LRRC20: variants seen among roughly 807,000 people sequenced by gnomAD.
LRRC20 encodes leucine-rich repeat-containing protein 20.
In LRRC20, 11 loss-of-function variants were observed where a neutral mutation model predicts 14.4. The ratio of observed to expected loss-of-function variants is 0.77; its 90% CI spans 0.48 to 1.27. LRRC20 has a LOEUF of 1.27. LRRC20 is among the 50% of genes most tolerant of loss of function. The pLI, the probability that LRRC20 is intolerant of heterozygous loss-of-function variation, is 0.00. For synonymous variants in LRRC20, 121 were observed against 107.3 expected (o/e 1.13, Z -0.79); for missense variants, 219 against 251.2 (o/e 0.87, Z 0.87).
chr10:70,349,018 A>G (rs1288318958), intron 2 of LRRC20, among the ~76,000 whole-genome samples: 1 of 151,572 alleles, frequency 6.6e-6, no homozygotes, highest in Admixed American at 6.6e-5. Flanking sequence ...CCCACTAGGG[A>G]AGGGGGGCCC....
intron 4 of LRRC20, among the ~76,000 whole-genome samples, chr10:70,311,204 G>A (rs1458914167): frequency 6.7e-6 from 1 of 149,314 alleles, no homozygotes; most frequent in African/African-American, 2.5e-5. Context: ...TGGACATCCA[G>A]GTTGTTTTCA....
chr10:70,309,173 C>T (rs547542108), intron 4 of LRRC20, among the ~76,000 whole-genome samples: 32 of 152,254 alleles, frequency 2.1e-4, no homozygotes, highest in African/African-American at 5.3e-4. Flanking sequence ...AAAGACCCCT[C>T]GCACTTGGCT....
intron 3 of LRRC20, among the ~76,000 whole-genome samples, chr10:70,327,782 G>A (rs917667919): frequency 4.6e-5 from 7 of 151,938 alleles, no homozygotes; most frequent in African/African-American, 2.4e-5. Flanking sequence ...GGTATGTGAC[G>A]TTCCTCTCCC....
rs1275955755 is a variant in LRRC20 at position 70,299,018 on chromosome 10, C to G, written c.*2336G>C. 2.0e-5 allele frequency: 3 copies of G among 152,768 alleles called. No homozygotes were observed. The South Asian group carries it at 6.2e-4, about 32-fold the overall frequency. 9.5% of individuals were successfully genotyped at this position (152,768 alleles called of 1,614,324 possible). ...TATTGCAGACTGAAGCTTAGGGGCTCACTCACTGTGAGCTCTGATTTGGGG... is the reference window on the plus strand; with the variant it reads ...TATTGCAGACTGAAGCTTAGGGGCTGACTCACTGTGAGCTCTGATTTGGGG... On this transcript the variant is annotated 3_prime_UTR_variant, in exon 5 of 5. Transcript: ENST00000446961.
In LRRC20 at chr10:70,374,686, C is replaced by T. The variant is rs1279276675; in HGVS notation, c.82+1766G>A. 3.9e-5 allele frequency among the ~76,000 whole-genome samples: 6 copies of T among 152,152 alleles called. No homozygotes were observed. The East Asian group carries it at 9.6e-4, about 24-fold the overall frequency. ...GCAGGGGTAGGTTACTCACCACAGA[C>T]ATCTGTCGATTTGCACTGAACCCTC... On this transcript the variant is annotated intron_variant, in intron 2 of 4. Transcript: ENST00000446961.
intron 4 of LRRC20, among the ~76,000 whole-genome samples, chr10:70,320,737 T>C (rs1229734942): frequency 6.6e-6 from 1 of 152,144 alleles, no homozygotes; most frequent in Non-Finnish European, 1.5e-5. Context: ...CACACAGACC[T>C]GAAACGTGAG....
intron 2 of LRRC20, among the ~76,000 whole-genome samples, chr10:70,353,960 G>C (rs1843425751): frequency 6.6e-6 from 1 of 152,170 alleles, no homozygotes; most frequent in Non-Finnish European, 1.5e-5. Flanking sequence ...AGTTGAAAGA[G>C]CTGGTGAAAG....
chr10:70,302,858 G>C (rs180758602), intron 4 of LRRC20, among the ~76,000 whole-genome samples: 5 of 151,702 alleles, frequency 3.3e-5, no homozygotes, highest in African/African-American at 9.7e-5. Context: ...CTACAGGCGC[G>C]CGCCACCATG....
intron 1 of LRRC20, chr10:70,381,674 C>G (rs1844713181): frequency 6.6e-6 from 1 of 152,336 alleles, no homozygotes; most frequent in African/African-American, 2.4e-5. Context: ...CTACCGCTGG[C>G]TCCAGCCCGG....
intron 1 of LRRC20, among the ~76,000 whole-genome samples, chr10:70,379,939 C>T (rs559251771): frequency 3.9e-5 from 6 of 152,270 alleles, no homozygotes; most frequent in African/African-American, 1.2e-4. Context: ...ATTCGCAGTT[C>T]GCAATAGGGT....
intron 4 of LRRC20, among the ~76,000 whole-genome samples, chr10:70,311,221 C>CTTTTTTTTTTTT (rs1491407192): frequency 1.2e-4 from 15 of 120,626 alleles, no homozygotes; most frequent in Admixed American, 1.7e-4. Flanking sequence ...TTCAACATTC[C>CTTTTTTTTTTTT]ATTTTTTTTT....
At chr10:70,356,577 G>A (rs1178170117) in intron 2 of LRRC20, among the ~76,000 whole-genome samples, 1 of 151,964 alleles carries the variant, frequency 6.6e-6, no homozygotes, top group Non-Finnish European at 1.5e-5. Context: ...GTAGTGCTGG[G>A]CAGAGTAGCT....
At position 70,347,459 on chromosome 10, in the gene LRRC20, G is replaced by A. The variant is rs181031799; in HGVS notation, c.83-6757C>T. 2.0e-4 allele frequency among the ~76,000 whole-genome samples: 30 copies of A among 152,094 alleles called. No individual in the cohort carries two copies. In the East Asian group the frequency reaches 4.1e-3, roughly 21 times the overall value. On this transcript the variant is annotated intron_variant, in intron 2 of 4. Transcript: ENST00000446961. ...AATGTCCAGCCCACAGTCCCATTCC[G>A]ACCACCTGGGCCATCTACACACCAT... is the stretch of plus-strand genomic sequence containing the variant.
intron 2 of LRRC20, among the ~76,000 whole-genome samples, chr10:70,360,370 TCCTCCTCCTCCTCCCCATCTC>T (rs1462527365): frequency 6.6e-6 from 1 of 151,282 alleles, no homozygotes; most frequent in East Asian, 1.9e-4. Flanking sequence ...GCTTTCCTCC[TCCTCCTCCTCCTCCCCATCTC>T]CCTCCTCCTC....
rs1257916470 is a variant in LRRC20, at chr10:70,340,653, G to C, written c.132C>G (p.Val44=). ...LVSFPIGIYK[V]LRNVSGQIHL... ...GGATCTGGCCAGAGACATTCCGCAG[G>C]ACCTTGTAGATGCCAATGGGAAAGG... The change falls in exon 3 of 5, where the codon GTC becomes GTG. Residue 44 remains valine, a synonymous_variant. Coordinates refer to ENST00000446961, the MANE Select transcript of LRRC20 (RefSeq NM_001278212.2). 1 of 1,614,102 alleles carries C rather than the reference G, an allele frequency of 6.2e-7. No homozygotes were observed. Among genetic ancestry groups the C allele is most frequent in the East Asian group, 2.2e-5 (1 of 44,904 alleles).
intron 3 of LRRC20, among the ~76,000 whole-genome samples, chr10:70,325,088 C>T (rs770060501): frequency 2.0e-5 from 3 of 152,074 alleles, no homozygotes; most frequent in African/African-American, 4.8e-5. Context: ...CTGTCTGACC[C>T]GAGGGAAACT....
At chr10:70,327,614 C>G (rs1842379226) in intron 3 of LRRC20, among the ~76,000 whole-genome samples, 1 of 151,902 alleles carries the variant, frequency 6.6e-6, no homozygotes, top group Non-Finnish European at 1.5e-5. Flanking sequence ...ATAACTAACG[C>G]TTATTACTAT....
intron 4 of LRRC20, among the ~76,000 whole-genome samples, chr10:70,316,268 G>A (rs1001382543): frequency 6.6e-6 from 1 of 152,128 alleles, no homozygotes; most frequent in Middle Eastern, 3.2e-3. Context: ...GAGTAGCTGG[G>A]ACTACAGGTG....
chr10:70,332,238 C>G (rs1403374678), intron 3 of LRRC20, among the ~76,000 whole-genome samples: 1 of 152,158 alleles, frequency 6.6e-6, no homozygotes, highest in African/African-American at 2.4e-5. Context: ...GAGGGCATTT[C>G]CAGATGCCAC....
Sources: allele counts gnomAD v4.1 joint callset (sites outside exome capture counted in the v4.1 genomes callset), GRCh38; gene constraint gnomAD v4.1.1; transcripts MANE v1.5; gene names NCBI Gene and HGNC (gene_info 2026-07-23, HGNC 2026-07-21).